The following TRMO variants were observed in gnomAD, a reference collection of about 807,000 sequenced individuals.
The protein encoded by TRMO is tRNA (adenine(37)-N6)-methyltransferase.
A neutral mutation model predicts 37.2 loss-of-function variants in TRMO; 30 were observed. The ratio of observed to expected loss-of-function variants is 0.81; its 90% CI spans 0.60 to 1.09. TRMO has a LOEUF of 1.09. TRMO is among the 50% of genes least tolerant of loss of function. TRMO has a pLI of 0.00. For synonymous variants in TRMO, 239 were observed against 199.4 expected (o/e 1.20, Z -1.67); for missense variants, 552 against 549.5 (o/e 1.00, Z -0.05).
In TRMO at chr9:97,910,557, T is replaced by C. The variant is rs767250835; in HGVS notation, c.469A>G (p.Lys157Glu). 1 of 1,614,176 alleles carries C rather than the reference T, an allele frequency of 6.2e-7. No homozygotes were observed. The highest frequency in any genetic ancestry group is 8.5e-7 in the Non-Finnish European group (1 of 1,179,984). The change falls in exon 4 of 5, where the codon AAG becomes GAG. Residue 157 changes from lysine to glutamate, a missense_variant. Coordinates refer to ENST00000375119, the MANE Select transcript of TRMO (RefSeq NM_016481.5). ...GAGTCATACTCAGCTATGTAGGGCT[T>C]GATGTCTAGTACGGGTGTGCCATGT... is the stretch of plus-strand genomic sequence containing the variant. ...MIHGTPVLDI[K>E]PYIAEYDSPQ...
downstream of TRMO, chr9:97,900,845 G>GA: frequency 2.4e-6 from 1 of 417,688 alleles, no homozygotes; most frequent in Non-Finnish European, 3.2e-6. Flanking sequence ...TTCTCTCCAA[G>GA]AAAAAAAGTC....
chr9:97,900,650 T>C (rs961384919), downstream of TRMO: 2 of 347,508 alleles, frequency 5.8e-6, no homozygotes, highest in Non-Finnish European at 8.1e-6. Context: ...GCCGAGCAGC[T>C]TGAGCACGTT....
In TRMO at chr9:97,910,249, T is replaced by C; in HGVS notation, c.777A>G (p.Arg259=). 6.2e-7 allele frequency: 1 copy of C among 1,614,214 alleles called. No individual in the cohort carries two copies. ...EIAVDFGLES[R]RDQSSSVAEE... ...CTGCCACGCTGGAACTCTGATCACG[T>C]CTTGATTCCAAACCAAAATCCACTG... Residue 259 remains arginine (R), a synonymous_variant, in exon 4 of 5, where the codon AGA becomes AGG. Transcript: ENST00000375119.
At chr9:97,913,279 T>C (rs768416674) in intron 3 of TRMO, 122 bp downstream of exon 3, 2 of 1,150,774 alleles carry the variant, frequency 1.7e-6, no homozygotes, top group Admixed American at 3.6e-5. Context: ...CAATGTCTGG[T>C]GGTTCTCAGG....
chr9:97,897,599 T>A, the TRMO span, among the ~76,000 whole-genome samples: 1 of 152,210 alleles, frequency 6.6e-6, no homozygotes, highest in Non-Finnish European at 1.5e-5. Flanking sequence ...ATCCATAATA[T>A]TACTGAGATG....
intron 3 of TRMO, chr9:97,912,646 C>T (rs1826176540): frequency 6.8e-6 from 2 of 293,426 alleles, no homozygotes; most frequent in Non-Finnish European, 1.4e-5. Flanking sequence ...ACAAGATTCT[C>T]AAAATATTCT....
chr9:97,898,256 A>T, the TRMO span, among the ~76,000 whole-genome samples: 1 of 152,224 alleles, frequency 6.6e-6, no homozygotes, highest in Non-Finnish European at 1.5e-5. Flanking sequence ...GAACCTACAA[A>T]GGCAGAGAAG....
chr9:97,913,680 T>C, intron 2 of TRMO, 122 bp from the exon 3 acceptor site: 3 of 659,840 alleles, frequency 4.5e-6, no homozygotes, highest in South Asian at 1.9e-5. Flanking sequence ...ATGTTTTAAA[T>C]AGTATTAACT....
intron 1 of TRMO, among the ~76,000 whole-genome samples, chr9:97,916,768 C>T (rs1334616142): frequency 4.0e-5 from 6 of 149,070 alleles, no homozygotes; most frequent in African/African-American, 7.4e-5. Flanking sequence ...TGCAGTGGCC[C>T]GATCTCGGCT....
At chr9:97,901,440 T>C (rs1340471188), downstream of TRMO, among the ~76,000 whole-genome samples, 4 of 152,156 alleles carry the variant, frequency 2.6e-5, no homozygotes, top group Non-Finnish European at 5.9e-5. Context: ...TTGATACAAA[T>C]AGGACACAAA....
chr9:97,908,705 ATTGC>A (rs1825974595), intron 4 of TRMO, among the ~76,000 whole-genome samples: 1 of 152,156 alleles, frequency 6.6e-6, no homozygotes, highest in South Asian at 2.1e-4. Context: ...TAATAACTTG[ATTGC>A]TTATTATACT....
At chr9:97,916,397 A>C in intron 1 of TRMO, 59 bp from the exon 2 acceptor site, 4 of 1,297,172 alleles carry the variant, frequency 3.1e-6, no homozygotes, top group Non-Finnish European at 4.3e-6. Flanking sequence ...AGTTGTAAGA[A>C]AACATGTTTT....
chr9:97,898,999 CCGG>C, the TRMO span, among the ~76,000 whole-genome samples: 7 of 151,640 alleles, frequency 4.6e-5, no homozygotes, highest in Non-Finnish European at 8.8e-5. Flanking sequence ...GTCACCACAC[CCGG>C]CTAATTTTTT....
downstream of TRMO, among the ~76,000 whole-genome samples, chr9:97,900,387 CG>C (rs1235488268): frequency 6.6e-6 from 1 of 152,250 alleles, no homozygotes; most frequent in African/African-American, 2.4e-5. Context: ...CAGTGCTCTT[CG>C]TATTTCCCAT....
chr9:97,900,321 G>A (rs141278969), downstream of TRMO, among the ~76,000 whole-genome samples: 3 of 152,362 alleles, frequency 2.0e-5, no homozygotes, highest in East Asian at 5.8e-4. Context: ...CTTGCCTGAG[G>A]TCACGAGCTA....
Position 97,922,485 on chromosome 9 carries a change from G to C in TRMO, c.9C>G (p.Gly3=). ...TAGGCCGAGGCCCCGACTCCTCCAAGCCGCGCATGGCTACTGGTTGCTGAG... is the reference window on the plus strand; with the variant it reads ...TAGGCCGAGGCCCCGACTCCTCCAACCCGCGCATGGCTACTGGTTGCTGAG... The part of the protein sequence containing the change: MR[G]LEESGPRPTA... Residue 3 remains glycine (G), a synonymous_variant, in exon 1 of 5, where the codon GGC becomes GGG. Coordinates refer to ENST00000375119, the MANE Select transcript of TRMO (RefSeq NM_016481.5). 2.5e-6 allele frequency: 4 copies of C among 1,576,040 alleles called. No homozygotes were observed. Among genetic ancestry groups the C allele is most frequent in the South Asian group, 2.3e-5 (2 of 86,466 alleles).
Position 97,904,745 on chromosome 9 carries a change from A to AGACACCAAG in TRMO, c.1305_1313dup (p.Val437_Leu439dup), listed in dbSNP as rs573830427. 3.7e-3 allele frequency: 5,907 copies of AGACACCAAG among 1,614,056 alleles called. 337 individuals carry two copies. The Admixed American group carries it at 0.093, about 26-fold the overall frequency. ...TGAGGGAGGCTCCTTAAGACCCTAG[A>AGACACCAAG]GACACCAAGGACCCCACAGGGCCAG... On this transcript the variant is annotated inframe_insertion, in exon 5 of 5. Transcript: ENST00000375119.
Position 97,910,577 on chromosome 9 carries a change from C to CCATG in TRMO, c.445_448dup (p.Gly150AlafsTer14). On this transcript the variant is annotated frameshift_variant, in exon 4 of 5. Transcript: ENST00000375119. LOFTEE classifies it high-confidence loss of function. ...GGGCTTGATGTCTAGTACGGGTGTG[C>CCATG]CATGTATCATGTCAATTCCAGAAAG... 1 of 1,613,736 alleles carries CCATG rather than the reference C, an allele frequency of 6.2e-7. No individual in the cohort carries two copies. The highest frequency in any genetic ancestry group is 8.5e-7 in the Non-Finnish European group (1 of 1,179,684).
intron 1 of TRMO, among the ~76,000 whole-genome samples, chr9:97,920,656 G>A (rs968238654): frequency 6.6e-6 from 1 of 152,210 alleles, no homozygotes; most frequent in African/African-American, 2.4e-5. Context: ...AAGCCAGCAA[G>A]CAATCAATGT....
Sources: gnomAD v4.1 joint callset for allele counts (sites outside exome capture counted in the v4.1 genomes callset) on GRCh38, gnomAD v4.1.1 for gene constraint, MANE v1.5 for transcripts, NCBI Gene and HGNC (gene_info 2026-07-23, HGNC 2026-07-21) for gene names.